The following GAPDHS variants were observed in gnomAD, a reference collection of about 807,000 sequenced individuals.
The protein encoded by GAPDHS is glyceraldehyde-3-phosphate dehydrogenase, testis-specific.
In GAPDHS, 42 loss-of-function variants were observed where a neutral mutation model predicts 48.7. That is an observed-to-expected ratio of 0.86 (90% confidence interval 0.67 to 1.12). GAPDHS has a LOEUF of 1.12. GAPDHS is among the 50% of genes most tolerant of loss of function. GAPDHS has a pLI of 0.00. For synonymous variants in GAPDHS, 166 were observed against 219.1 expected (o/e 0.76, Z 2.14); for missense variants, 512 against 557.7 (o/e 0.92, Z 0.82).
At chr19:35,540,003 G>A (rs528553266) in intron 4 of GAPDHS, among the ~76,000 whole-genome samples, 21 of 152,260 alleles carry the variant, frequency 1.4e-4, no homozygotes, top group African/African-American at 4.1e-4. Flanking sequence ...GCACTGTTGG[G>A]CTGCACAAGC....
intron 7 of GAPDHS, 40 bp from the exon 8 acceptor site, chr19:35,543,300 G>A: frequency 6.2e-7 from 1 of 1,601,332 alleles, no homozygotes; most frequent in East Asian, 2.2e-5. Context: ...TGGGAGCTTA[G>A]GAGCATGAAG....
chr19:35,538,763 C>T, intron 4 of GAPDHS, 80 bp downstream of exon 4: 5 of 884,776 alleles, frequency 5.7e-6, no homozygotes, highest in Non-Finnish European at 9.4e-6. Flanking sequence ...GGGATTCCAG[C>T]CTCTCACATG....
At position 35,542,695 on chromosome 19, in the gene GAPDHS, C is replaced by T; in HGVS notation, c.659+87C>T. 4 of 968,588 alleles carry T rather than the reference C, an allele frequency of 4.1e-6. No individual in the cohort carries two copies. In the East Asian group the frequency reaches 9.6e-5, roughly 23 times the overall value. The allele number at this position is 968,588 out of a possible 1,614,324, so 60.0% of individuals were successfully genotyped here. On this transcript the variant is annotated intron_variant, in intron 6 of 10. Transcript: ENST00000222286. ...CTCAGCCCCACTGGATTCCTGGTCGCTTGGCTTCTGCTTCTCCTTCCCGAA... is the reference window on the plus strand; with the variant it reads ...CTCAGCCCCACTGGATTCCTGGTCGTTTGGCTTCTGCTTCTCCTTCCCGAA...
intron 2 of GAPDHS, among the ~76,000 whole-genome samples, 190 bp from the exon 3 acceptor site, chr19:35,538,117 G>A (rs953402615): frequency 4.6e-5 from 7 of 152,004 alleles, no homozygotes; most frequent in African/African-American, 1.7e-4. Context: ...GTTAGGGAAC[G>A]GATTGGGAGA....
At chr19:35,544,566 G>T (rs902040257) in intron 9 of GAPDHS, 5 of 311,364 alleles carry the variant, frequency 1.6e-5, no homozygotes, top group Admixed American at 4.3e-5. Flanking sequence ...GGCCCCAGCC[G>T]GTCAGATCTT....
intron 4 of GAPDHS, 146 bp from the exon 5 acceptor site, chr19:35,542,173 T>C: frequency 1.6e-6 from 1 of 633,398 alleles, no homozygotes; most frequent in Non-Finnish European, 2.9e-6. Flanking sequence ...GGAGCCCATC[T>C]GGAACAAGTA....
Position 35,536,977 on chromosome 19 carries a change from G to A in GAPDHS, c.232G>A (p.Val78Met). The A allele has an allele frequency of 1.9e-6, 3 of 1,613,628 alleles. No homozygotes were observed. The highest frequency in any genetic ancestry group is 2.5e-6 in the Non-Finnish European group (3 of 1,179,736). The part of the protein sequence containing the change: ...KMVSVARELT[V>M]GINGFGRIGR... ...GGTGTCTGTGGCCCGGGAGCTGACT[G>A]TGGGCATCAATGGGTGAGTCTACTC... is the stretch of plus-strand genomic sequence containing the variant. Residue 78 changes from valine (V) to methionine (M), a missense_variant, in exon 2 of 11, where the codon GTG becomes ATG. Transcript: ENST00000222286.
chr19:35,542,368 G>A lies in GAPDHS; in HGVS notation c.499G>A (p.Val167Met), dbSNP rs556977021. The A allele has an allele frequency of 5.6e-6, 9 of 1,613,374 alleles. No homozygotes were observed. The highest frequency in any genetic ancestry group is 2.2e-5 in the East Asian group (1 of 44,872). Residue 167 changes from valine (V) to methionine (M), a missense_variant, in exon 5 of 11, where the codon GTG becomes ATG. Coordinates refer to ENST00000222286, the MANE Select transcript of GAPDHS (RefSeq NM_014364.5). ...PWRAVGSPYVVESTGVYLSIQ... is the reference protein window; with the variant it reads ...PWRAVGSPYVMESTGVYLSIQ... ...GAGGGCTGTCGGGAGCCCCTACGTG[G>A]TGGAGTCCACAGGCGTGTACCTCTC...
chr19:35,535,941 T>C (rs1173799456), intron 1 of GAPDHS, among the ~76,000 whole-genome samples: 1 of 151,816 alleles, frequency 6.6e-6, no homozygotes, highest in Non-Finnish European at 1.5e-5. Context: ...GGTTTCTCCA[T>C]GTTGGCCAAG....
At chr19:35,535,862 C>G (rs1281958010) in intron 1 of GAPDHS, among the ~76,000 whole-genome samples, 1 of 151,696 alleles carries the variant, frequency 6.6e-6, no homozygotes, top group East Asian at 2.0e-4. Context: ...CTCCGCCTCC[C>G]AGGTTCAAGA....
chr19:35,535,852 C>G (rs1032197064), intron 1 of GAPDHS, among the ~76,000 whole-genome samples: 2 of 151,788 alleles, frequency 1.3e-5, no homozygotes, highest in African/African-American at 4.8e-5. Flanking sequence ...TCACTGCACC[C>G]TCCGCCTCCC....
chr19:35,537,028 A>AG (rs758519233), intron 2 of GAPDHS, 38 bp downstream of exon 2: 1 of 1,527,646 alleles, frequency 6.5e-7, no homozygotes, highest in South Asian at 1.2e-5. Context: ...CTGAAGCCTT[A>AG]GAGCCCAGCC....
chr19:35,539,478 G>A (rs2071487387), intron 4 of GAPDHS, among the ~76,000 whole-genome samples: 2 of 152,254 alleles, frequency 1.3e-5, no homozygotes, highest in South Asian at 4.2e-4. Context: ...ATTTTTGGCT[G>A]ACATTCACCT....
rs1568683873 is a variant in GAPDHS at position 35,542,491 on chromosome 19, A to C, written c.542A>C (p.Asp181Ala). The change falls in exon 6 of 11, where the codon GAC becomes GCC. Residue 181 changes from aspartate to alanine, a missense_variant and splice_region_variant. Transcript: ENST00000222286. ...GVYLSIQAASDHISAGAQRVV... is the reference protein window; with the variant it reads ...GVYLSIQAASAHISAGAQRVV... ...CTGACACCTGCGCTTCCTCCCCAGG[A>C]CCACATCTCTGCAGGTGCTCAACGT... is the stretch of plus-strand genomic sequence containing the variant. The C allele has an allele frequency of 6.2e-7, 1 of 1,612,918 alleles. No individual in the cohort carries two copies. The highest frequency in any genetic ancestry group is 8.5e-7 in the Non-Finnish European group (1 of 1,179,002).
chr19:35,542,332 C>G lies in GAPDHS; in HGVS notation c.463C>G (p.Gln155Glu). 2 of 1,611,342 alleles carry G rather than the reference C, an allele frequency of 1.2e-6. No individual in the cohort carries two copies. Among genetic ancestry groups the G allele is most frequent in the Non-Finnish European group, 8.5e-7 (1 of 1,178,638 alleles). Residue 155 changes from glutamine (Q) to glutamate (E), a missense_variant, in exon 5 of 11, where the codon CAG becomes GAG. Transcript: ENST00000222286. ...ACTTCCCCACAGCAAAGAGCCCAAA[C>G]AGATCCCCTGGAGGGCTGTCGGGAG... ...ISVYQCKEPK[Q>E]IPWRAVGSPY...
chr19:35,543,831 G>T lies in GAPDHS; in HGVS notation c.1056+4G>T. 2 of 1,604,376 alleles carry T rather than the reference G, an allele frequency of 1.2e-6. No homozygotes were observed. Among genetic ancestry groups the T allele is most frequent in the Non-Finnish European group, 1.7e-6 (2 of 1,175,578 alleles). On this transcript the variant is annotated splice_donor_region_variant and intron_variant, in intron 9 of 10. Coordinates refer to ENST00000222286, the MANE Select transcript of GAPDHS (RefSeq NM_014364.5). ...CCTTGCCTACACCGAGGATGAGGTA[G>T]GGGCTGAGGAGAGGAGACCCTGGGA...
rs2071514019 is a variant in GAPDHS, at chr19:35,542,823, T to G, written c.660-122T>G. ...GTCTGACAGTGTCCCCACAGATCCC[T>G]CTCACCCTCATCCTGACGTTTCATA... On this transcript the variant is annotated intron_variant, in intron 6 of 10. Coordinates refer to ENST00000222286, the MANE Select transcript of GAPDHS (RefSeq NM_014364.5). 3 of 805,508 alleles carry G rather than the reference T, an allele frequency of 3.7e-6. No homozygotes were observed. In the Admixed American group the frequency reaches 5.5e-5, roughly 15 times the overall value. 49.9% of individuals were successfully genotyped at this position (805,508 alleles called of 1,614,324 possible). A position where few individuals can be genotyped will look rare whatever the true frequency, so the allele number is the denominator to read the frequency against.
In GAPDHS at chr19:35,544,943, C is replaced by A; in HGVS notation, c.1091C>A (p.Ser364Ter). 6.2e-7 allele frequency: 1 copy of A among 1,613,506 alleles called. No individual in the cohort carries two copies. The highest frequency in any genetic ancestry group is 8.5e-7 in the Non-Finnish European group (1 of 1,179,378). Residue 364 changes from serine to a stop codon, truncating the protein, a stop_gained, in exon 10 of 11, where the codon TCG becomes TAG. Coordinates refer to ENST00000222286, the MANE Select transcript of GAPDHS (RefSeq NM_014364.5). LOFTEE classifies it high-confidence loss of function. The part of the protein sequence containing the change: ...VSTDFLGDTH[S>*]SIFDAKAGIA... ...ACGGACTTCCTCGGTGATACCCACT[C>A]GTCCATCTTCGATGCTAAGGCCGGC...
intron 4 of GAPDHS, among the ~76,000 whole-genome samples, chr19:35,540,378 G>A (rs1185547199): frequency 1.3e-5 from 2 of 152,190 alleles, no homozygotes; most frequent in Non-Finnish European, 2.9e-5. Context: ...CCTTGGGGAG[G>A]GCCTGGGGTC....
Sources: gnomAD v4.1 joint callset for allele counts (sites outside exome capture counted in the v4.1 genomes callset) on GRCh38, gnomAD v4.1.1 for gene constraint, MANE v1.5 for transcripts, NCBI Gene and HGNC (gene_info 2026-07-23, HGNC 2026-07-21) for gene names.